SCRN1: variants seen among roughly 807,000 people sequenced by gnomAD.
SCRN1 encodes secernin 1.
Under a neutral mutation model 43.3 loss-of-function variants are expected in SCRN1, and 19 were observed. That is an observed-to-expected ratio of 0.44 (90% CI 0.31 to 0.64). The LOEUF is 0.64. Among genes scored for constraint, SCRN1 ranks in the 30% least tolerant of loss-of-function variants. SCRN1 has a pLI of 0.09. For synonymous variants in SCRN1, 183 were observed against 188.9 expected (o/e 0.97, Z 0.26); for missense variants, 447 against 524.1 (o/e 0.85, Z 1.44).
At chr7:29,969,940 T>C (rs576564380) in intron 1 of SCRN1, 33 of 454,058 alleles carry the variant, frequency 7.3e-5, no homozygotes, top group South Asian at 5.0e-4. Flanking sequence ...ATCTAATATA[T>C]CACCAAGTCC....
At chr7:29,928,575 C>T (rs372755399) in intron 6 of SCRN1, among the ~76,000 whole-genome samples, 6 of 152,260 alleles carry the variant, frequency 3.9e-5, no homozygotes, top group African/African-American at 1.4e-4. Context: ...CTATAGATGA[C>T]GCAAATATAA....
At chr7:29,953,328 T>C (rs1373624536) in intron 3 of SCRN1, among the ~76,000 whole-genome samples, 1 of 152,246 alleles carries the variant, frequency 6.6e-6, no homozygotes, top group South Asian at 2.1e-4. Flanking sequence ...CCACAGAGTC[T>C]AGAACAAAGT....
intron 3 of SCRN1, chr7:29,947,334 T>G (rs1217844753): frequency 6.4e-7 from 1 of 1,550,640 alleles, no homozygotes; most frequent in South Asian, 1.2e-5. Flanking sequence ...CTGAGAAAGA[T>G]GGGTCACACC....
In SCRN1 at chr7:29,955,941, G is replaced by A. The variant is rs189477911; in HGVS notation, c.160-581C>T. ...GTGGGATTTCCTGCCTGTCCCATTT[G>A]ATCCTCACACTAAGACAGTGAGGTG... On this transcript the variant is annotated intron_variant, in intron 2 of 7. Transcript: ENST00000242059. 4.2e-3 allele frequency among the ~76,000 whole-genome samples: 647 copies of A among 152,278 alleles called. 3 individuals carry two copies. Among genetic ancestry groups the A allele is most frequent in the Non-Finnish European group, 7.3e-3 (498 of 68,022 alleles).
chr7:29,936,749 G>A (rs1032561867), intron 5 of SCRN1, 28 bp from the exon 6 acceptor site: 1 of 1,507,762 alleles, frequency 6.6e-7, no homozygotes, highest in Non-Finnish European at 9.0e-7. Context: ...ACAGACAAAT[G>A]GAAAGAGTAG....
intron 1 of SCRN1, chr7:29,988,932 T>C (rs1387237508): frequency 2.6e-5 from 4 of 152,268 alleles, no homozygotes; most frequent in East Asian, 3.9e-4. Context: ...CGCCAAATAC[T>C]CGACGCCTCA....
At chr7:29,938,588 C>T (rs761381749) in intron 5 of SCRN1, among the ~76,000 whole-genome samples, 27 of 152,244 alleles carry the variant, frequency 1.8e-4, no homozygotes, top group Non-Finnish European at 2.8e-4. Context: ...GGCGGAAAAC[C>T]GCTTAAAGGC....
At chr7:29,974,756 T>C (rs1788761367) in intron 1 of SCRN1, among the ~76,000 whole-genome samples, 1 of 151,228 alleles carries the variant, frequency 6.6e-6, no homozygotes, top group Non-Finnish European at 1.5e-5. Context: ...CGATCTTGGC[T>C]TACTGCAACC....
intron 3 of SCRN1, among the ~76,000 whole-genome samples, chr7:29,948,873 G>C (rs1787821421): frequency 6.6e-6 from 1 of 152,142 alleles, no homozygotes; most frequent in South Asian, 2.1e-4. Context: ...ATTGAAAAAG[G>C]ACTCAAACAG....
intron 2 of SCRN1, 132 bp from the exon 3 acceptor site, chr7:29,955,492 T>C: frequency 1.2e-6 from 1 of 812,498 alleles, no homozygotes; most frequent in Non-Finnish European, 1.9e-6. Flanking sequence ...GGGAATACCC[T>C]GATTTTTAAG....
At chr7:29,974,704 G>A (rs1481153803) in intron 1 of SCRN1, among the ~76,000 whole-genome samples, 3 of 118,046 alleles carry the variant, frequency 2.5e-5, no homozygotes, top group African/African-American at 1.0e-4. Context: ...TTTTTTTTGA[G>A]ATGGAGACTT....
chr7:29,988,595 C>G (rs941022098), intron 1 of SCRN1: 1 of 152,374 alleles, frequency 6.6e-6, no homozygotes, highest in African/African-American at 2.4e-5. Flanking sequence ...GCATAGGTTT[C>G]CTCCGCAACT....
intron 2 of SCRN1, among the ~76,000 whole-genome samples, chr7:29,960,826 C>A (rs1583680515): frequency 6.6e-6 from 1 of 152,074 alleles, no homozygotes; most frequent in Non-Finnish European, 1.5e-5. Context: ...GAGATGAGTT[C>A]TCTGATGCAT....
chr7:29,990,164 G>A (rs534100993), upstream of SCRN1: 1 of 1,551,640 alleles, frequency 6.4e-7, no homozygotes, highest in African/African-American at 1.4e-5. Context: ...TTTCCCCGGA[G>A]AGAAATGTGT....
Position 29,923,725 on chromosome 7 carries a change from C to T in SCRN1, c.*232G>A, listed in dbSNP as rs1387360844. ...TAAAATCCACAATTAGTCACACAAC[C>T]GAACAACAGGCAACGGGATACATGT... On this transcript the variant is annotated 3_prime_UTR_variant, in exon 8 of 8. Transcript: ENST00000242059. 23 of 446,884 alleles carry T rather than the reference C, an allele frequency of 5.1e-5. No homozygotes were observed. The highest frequency in any genetic ancestry group is 1.6e-4 in the Admixed American group (4 of 25,258). 27.7% of individuals were successfully genotyped at this position (446,884 alleles called of 1,614,324 possible).
chr7:29,948,991 C>CATT (rs1416725468), intron 3 of SCRN1, among the ~76,000 whole-genome samples: 1 of 152,158 alleles, frequency 6.6e-6, no homozygotes, highest in Non-Finnish European at 1.5e-5. Flanking sequence ...GGCCCAGAGG[C>CATT]ATTATCATGT....
rs1786728289 is a variant in SCRN1 at position 29,920,712 on chromosome 7, G to A, written c.*3245C>T. The A allele has an allele frequency of 6.6e-6, 1 of 152,222 alleles. No individual in the cohort carries two copies. Among genetic ancestry groups the A allele is most frequent in the Admixed American group, 6.5e-5 (1 of 15,280 alleles). The allele number at this position is 152,222 out of a possible 1,614,324, so 9.4% of individuals were successfully genotyped here. ...ACTGGTCCCACCCGGCTTCCCTGCT[G>A]AACCACCCAGTACTGAATAACACCT... On this transcript the variant is annotated 3_prime_UTR_variant, in exon 8 of 8. Coordinates refer to ENST00000242059, the MANE Select transcript of SCRN1 (RefSeq NM_014766.5).
chr7:29,951,426 A>T (rs893136417), intron 3 of SCRN1, among the ~76,000 whole-genome samples: 1 of 152,206 alleles, frequency 6.6e-6, no homozygotes, highest in Non-Finnish European at 1.5e-5. Context: ...CAAGCCCAGC[A>T]GCCCGACCAA....
rs150375615 is a variant in SCRN1, at chr7:29,952,896, C to T, written c.341+2283G>A. Among the ~76,000 whole-genome samples the T allele has an allele frequency of 5.2e-3, 793 of 152,282 alleles. 8 individuals carry two copies. Among genetic ancestry groups the T allele is most frequent in the Non-Finnish European group, 8.8e-3 (602 of 68,024 alleles). On this transcript the variant is annotated intron_variant, in intron 3 of 7. Coordinates refer to ENST00000242059, the MANE Select transcript of SCRN1 (RefSeq NM_014766.5). ...AAGAACCTACCAGTGCTCTTCACAC[C>T]CTTTTTATTACAATAGCTGGACATG...
Sources: gnomAD v4.1 joint callset for allele counts (sites outside exome capture counted in the v4.1 genomes callset) on GRCh38, gnomAD v4.1.1 for gene constraint, MANE v1.5 for transcripts, NCBI Gene and HGNC (gene_info 2026-07-23, HGNC 2026-07-21) for gene names.